Variants in PPIP5K2 observed in about 807,000 individuals in gnomAD.
The protein encoded by PPIP5K2 is inositol hexakisphosphate and diphosphoinositol-pentakisphosphate kinase 2.
A neutral mutation model predicts 154.6 loss-of-function variants in PPIP5K2; 105 were observed. The observed-to-expected ratio is 0.68, with a 90% confidence interval of 0.58 to 0.80. The LOEUF (loss-of-function observed/expected upper bound fraction) is 0.80, where lower values mean the gene tolerates loss of function less well. Ranked by LOEUF, PPIP5K2 falls within the 30% of genes least tolerant of loss-of-function variation. The pLI, the probability that PPIP5K2 is intolerant of heterozygous loss-of-function variation, is 0.00. For missense variants in PPIP5K2, 992 were observed against 1,504.6 expected (o/e 0.66, Z 5.64); for synonymous variants, 480 against 490.3 (o/e 0.98, Z 0.28).
intron 3 of PPIP5K2, among the ~76,000 whole-genome samples, chr5:103,136,268 T>C (rs76928002): frequency 2.6e-5 from 4 of 152,194 alleles, no homozygotes; most frequent in Non-Finnish European, 5.9e-5. Flanking sequence ...CCCCCATGCC[T>C]GGCCCACTGT....
At chr5:103,191,024 C>G in intron 29 of PPIP5K2, 42 bp downstream of exon 29, 1 of 1,562,692 alleles carries the variant, frequency 6.4e-7, no homozygotes, top group South Asian at 1.2e-5. Flanking sequence ...AGTTGCTGGG[C>G]AACTACATAC....
At chr5:103,169,568 A>G (rs554242862) in intron 19 of PPIP5K2, among the ~76,000 whole-genome samples, 1 of 151,782 alleles carries the variant, frequency 6.6e-6, no homozygotes, top group South Asian at 2.1e-4. Flanking sequence ...TGTTTCTTCA[A>G]CATGAAAGAG....
intron 21 of PPIP5K2, chr5:103,176,753 T>A: frequency 1.7e-6 from 1 of 572,756 alleles, no homozygotes; most frequent in East Asian, 3.0e-5. Flanking sequence ...GACTATAGAC[T>A]TTACTTTGAG....
chr5:103,129,762 A>T, intron 2 of PPIP5K2, 59 bp downstream of exon 2: 1 of 1,450,564 alleles, frequency 6.9e-7, no homozygotes, highest in Non-Finnish European at 9.1e-7. Flanking sequence ...GCTTTTTACT[A>T]ATCACTGTTA....
rs1554220184 is a variant in PPIP5K2, at chr5:103,173,899, C to G, written c.2456C>G (p.Thr819Ser). Residue 819 changes from threonine to serine, a missense_variant, in exon 21 of 31, where the codon ACT (threonine) becomes AGT (serine). By Grantham distance (58) the Thr-to-Ser change is moderately conservative. Coordinates refer to ENST00000358359, the MANE Select transcript of PPIP5K2 (RefSeq NM_001276277.3). ...CTGTCTCCTGAACGTCATGTTCGTA[C>G]TAGATTATATTTTACCAGTGAAAGT... Reference protein sequence around the residue: ...GVLSPERHVRTRLYFTSESHV... With the variant: ...GVLSPERHVRSRLYFTSESHV... The G allele has an allele frequency of 1.9e-6, 3 of 1,609,112 alleles. No homozygotes were observed.
rs115754558 is a variant in PPIP5K2 at position 103,175,949 on chromosome 5, A to C, written c.2530-1718A>C. 6.7e-3 allele frequency among the ~76,000 whole-genome samples: 1,026 copies of C among 152,246 alleles called. 7 individuals carry two copies. The highest frequency in any genetic ancestry group is 0.013 in the Non-Finnish European group (853 of 67,992). On this transcript the variant is annotated intron_variant, in intron 21 of 30. Transcript: ENST00000358359. ...CAAAATGTTTTGTTTTCATTATCCC[A>C]ACTCTTATTATCCTTGTAAGAATCT...
At chr5:103,180,719 G>A (rs192810202) in intron 24 of PPIP5K2, among the ~76,000 whole-genome samples, 1 of 151,648 alleles carries the variant, frequency 6.6e-6, no homozygotes, top group Non-Finnish European at 1.5e-5. Flanking sequence ...GTATGGTGGC[G>A]GGCACCTGTA....
In PPIP5K2 at chr5:103,159,304, T is replaced by C. The variant is rs782536205; in HGVS notation, c.1896T>C (p.Asp632=). 2 of 1,609,762 alleles carry C rather than the reference T, an allele frequency of 1.2e-6. No individual in the cohort carries two copies. The highest frequency in any genetic ancestry group is 1.7e-6 in the Non-Finnish European group (2 of 1,178,730). ...ATGAAATACTTCAGAAAGACAGAGA[T>C]TTTACTGCTGAAGATTATGAAAAGG... ...RLHEILQKDR[D]FTAEDYEKLT... is the part of the protein sequence containing the mutation. Residue 632 remains aspartate, a synonymous_variant, in exon 17 of 31, where the codon GAT becomes GAC. Coordinates refer to ENST00000358359, the MANE Select transcript of PPIP5K2 (RefSeq NM_001276277.3).
intron 1 of PPIP5K2, among the ~76,000 whole-genome samples, chr5:103,124,567 T>C (rs529066829): frequency 6.6e-5 from 10 of 152,338 alleles, no homozygotes; most frequent in Admixed American, 5.9e-4. Context: ...TGGACACATA[T>C]CTACATACAT....
intron 5 of PPIP5K2, among the ~76,000 whole-genome samples, chr5:103,138,967 A>T (rs1274220717): frequency 6.6e-6 from 1 of 152,226 alleles, no homozygotes; most frequent in African/African-American, 2.4e-5. Flanking sequence ...ACTGATAGCC[A>T]ACTTTTCATT....
intron 30 of PPIP5K2, among the ~76,000 whole-genome samples, chr5:103,197,497 A>G (rs1802270656): frequency 6.7e-6 from 1 of 149,518 alleles, no homozygotes; most frequent in African/African-American, 2.5e-5. Context: ...GGATTTATCA[A>G]TTTTGTTTAC....
chr5:103,140,524 A>C (rs537690626), intron 5 of PPIP5K2, among the ~76,000 whole-genome samples: 1 of 152,228 alleles, frequency 6.6e-6, no homozygotes, highest in Non-Finnish European at 1.5e-5. Context: ...AGGAAAAACA[A>C]AACTTCCAAC....
intron 17 of PPIP5K2, among the ~76,000 whole-genome samples, chr5:103,164,660 A>T (rs1796861153): frequency 6.6e-6 from 1 of 152,034 alleles, no homozygotes; most frequent in Non-Finnish European, 1.5e-5. Flanking sequence ...GTTATTTCAC[A>T]GATTCCTTAA....
intron 24 of PPIP5K2, among the ~76,000 whole-genome samples, chr5:103,181,396 C>A (rs184591546): frequency 1.3e-5 from 2 of 151,856 alleles, no homozygotes. Flanking sequence ...GGTGAAACCC[C>A]GTCTCTACTA....
chr5:103,179,727 C>G (rs1166486471), intron 23 of PPIP5K2, among the ~76,000 whole-genome samples: 2 of 152,060 alleles, frequency 1.3e-5, no homozygotes, highest in African/African-American at 4.8e-5. Context: ...TTTATTCTTG[C>G]ACTTGATGAA....
intron 19 of PPIP5K2, among the ~76,000 whole-genome samples, chr5:103,168,570 A>G (rs1554218698): frequency 6.6e-6 from 1 of 151,822 alleles, no homozygotes; most frequent in African/African-American, 2.4e-5. Flanking sequence ...CAGAAGGTAC[A>G]AAGATTTCCC....
At chr5:103,178,101 T>C in intron 23 of PPIP5K2, 121 bp downstream of exon 23, 1 of 709,538 alleles carries the variant, frequency 1.4e-6, no homozygotes, top group Non-Finnish European at 2.4e-6. Flanking sequence ...AGCAGGAAAA[T>C]GGTTTAAATT....
chr5:103,136,432 G>T (rs1442100411), intron 3 of PPIP5K2, among the ~76,000 whole-genome samples: 1 of 152,200 alleles, frequency 6.6e-6, no homozygotes, highest in Admixed American at 6.5e-5. Context: ...TTCTCTTTGT[G>T]TATGAGGTGA....
chr5:103,184,878 T>C (rs1437855817), intron 26 of PPIP5K2, 134 bp downstream of exon 26: 4 of 587,320 alleles, frequency 6.8e-6, no homozygotes, highest in Non-Finnish European at 1.2e-5. Context: ...AATTCAGAAA[T>C]GTTGAGTTGT....
Sources: allele counts gnomAD v4.1 joint callset (sites outside exome capture counted in the v4.1 genomes callset), GRCh38; gene constraint gnomAD v4.1.1; transcripts MANE v1.5; gene names NCBI Gene and HGNC (gene_info 2026-07-23, HGNC 2026-07-21).